EHMT1: variants seen among roughly 807,000 people sequenced by gnomAD.
EHMT1 encodes the protein euchromatic histone lysine methyltransferase 1.
EHMT1 carries 15 observed loss-of-function variants against 147.2 expected under a neutral mutation model. The observed-to-expected ratio is 0.10, with a 90% CI of 0.07 to 0.16. The LOEUF is 0.16. Among genes scored for constraint, EHMT1 ranks in the 10% least tolerant of loss-of-function variants. The pLI, the probability that EHMT1 is intolerant of heterozygous loss-of-function variation, is 1.00. For missense variants in EHMT1, 1,587 were observed against 1,772.4 expected (o/e 0.90, Z 1.88); for synonymous variants, 795 against 709.6 (o/e 1.12, Z -1.91).
rs534982593 is a variant in EHMT1 at position 137,782,196 on chromosome 9, G to A, written c.2276-95G>A. 37 of 1,184,254 alleles carry A rather than the reference G, an allele frequency of 3.1e-5. No individual in the cohort carries two copies. The highest frequency in any genetic ancestry group is 3.0e-4 in the African/African-American group (20 of 65,920). The allele number at this position is 1,184,254 out of a possible 1,614,324, so 73.4% of individuals were successfully genotyped here. ...CGAGGTGGCTGTTTATGTGGAGGATGGTCATTTGTGAGTGCTTGCCAGCCA... is the reference window on the plus strand; with the variant it reads ...CGAGGTGGCTGTTTATGTGGAGGATAGTCATTTGTGAGTGCTTGCCAGCCA... On this transcript the variant is annotated intron_variant, in intron 14 of 26. Coordinates refer to ENST00000460843, the MANE Select transcript of EHMT1 (RefSeq NM_024757.5). This position sits in a 1 kb window ranked among gnomAD's most constrained non-coding sequence, Gnocchi z 5.7.
In EHMT1 at chr9:137,787,798, G is replaced by A; in HGVS notation, c.2383-3050G>A. ...GGGCGTCTAGATCCCAGCCCTGGGG[G>A]CCCTCAGGTTTCAGGGGCCACCCCC... On this transcript the variant is annotated intron_variant, in intron 15 of 26. Coordinates refer to ENST00000460843, the MANE Select transcript of EHMT1 (RefSeq NM_024757.5). The surrounding 1 kb of genome is among the most constrained non-coding windows in gnomAD (Gnocchi z 4.2). The A allele has an allele frequency of 1.2e-6, 1 of 855,166 alleles. No homozygotes were observed. Among genetic ancestry groups the A allele is most frequent in the Non-Finnish European group, 2.0e-6 (1 of 492,118 alleles). The allele number at this position is 855,166 out of a possible 1,614,324, so 53.0% of individuals were successfully genotyped here.
intron 1 of EHMT1, among the ~76,000 whole-genome samples, chr9:137,680,042 C>T (rs991981579): frequency 6.6e-6 from 1 of 152,142 alleles, no homozygotes; most frequent in Non-Finnish European, 1.5e-5. Flanking sequence ...AATGCCTCTA[C>T]GTTGTATCTG....
At chr9:137,803,352 G>A in intron 18 of EHMT1, 1 of 969,896 alleles carries the variant, frequency 1.0e-6, no homozygotes, top group Non-Finnish European at 1.2e-6. Flanking sequence ...ATGATCTTCA[G>A]GTGATCCTCC....
chr9:137,811,702 T>C, intron 19 of EHMT1, 87 bp downstream of exon 19: 1 of 1,566,404 alleles, frequency 6.4e-7, no homozygotes. Context: ...GTGTTCACAC[T>C]TGGGGCGTGA....
At chr9:137,619,889 A>G (rs1315643018) in intron 1 of EHMT1, among the ~76,000 whole-genome samples, 1 of 152,044 alleles carries the variant, frequency 6.6e-6, no homozygotes, top group East Asian at 1.9e-4. Context: ...AGATGCAGAA[A>G]TAGTGTGGTC....
At chr9:137,626,954 G>A (rs989508102) in intron 1 of EHMT1, among the ~76,000 whole-genome samples, 2 of 151,526 alleles carry the variant, frequency 1.3e-5, no homozygotes, top group African/African-American at 4.9e-5. Flanking sequence ...GGTTAATTTT[G>A]TTTTTGTTTT....
chr9:137,798,314 A>T (rs575839707), intron 16 of EHMT1, among the ~76,000 whole-genome samples: 1 of 152,224 alleles, frequency 6.6e-6, no homozygotes, highest in East Asian at 1.9e-4. Flanking sequence ...AGGCAGGAGG[A>T]TCACTTGAGC....
intron 1 of EHMT1, among the ~76,000 whole-genome samples, chr9:137,668,151 G>A (rs1229253700): frequency 2.6e-5 from 4 of 152,172 alleles, no homozygotes; most frequent in Admixed American, 6.5e-5. Flanking sequence ...AAGAAGGGAC[G>A]CACTGATCGA....
At chr9:137,641,930 C>G (rs922127646) in intron 1 of EHMT1, among the ~76,000 whole-genome samples, 1 of 151,976 alleles carries the variant, frequency 6.6e-6, no homozygotes, top group African/African-American at 2.4e-5. Context: ...CCCTCCAACT[C>G]CATGGTTCAA....
At chr9:137,622,432 T>C (rs1842993984) in intron 1 of EHMT1, among the ~76,000 whole-genome samples, 1 of 152,148 alleles carries the variant, frequency 6.6e-6, no homozygotes, top group Non-Finnish European at 1.5e-5. Context: ...TCATCTTCTG[T>C]CTTTCTAGAG....
At chr9:137,733,001 C>T (rs1216657644) in intron 4 of EHMT1, among the ~76,000 whole-genome samples, 2 of 152,202 alleles carry the variant, frequency 1.3e-5, no homozygotes, top group South Asian at 2.1e-4. Context: ...TTGGTTTCAA[C>T]GTGCATTGTA....
In EHMT1 at chr9:137,834,498, C is replaced by G; in HGVS notation, c.3690C>G (p.Arg1230=). The G allele has an allele frequency of 1.2e-6, 2 of 1,612,072 alleles. No homozygotes were observed. The highest frequency in any genetic ancestry group is 1.7e-6 in the Non-Finnish European group (2 of 1,179,764). The part of the protein sequence containing the change: ...RFPRIAFFST[R]LIEAGEQLGF... ...CCCGGATCGCCTTCTTCAGCACCCG[C>G]CTGATCGAGGCCGGCGAGCAGCTCG... Residue 1230 remains arginine (R), a synonymous_variant, in exon 26 of 27, where the codon CGC becomes CGG. Coordinates refer to ENST00000460843, the MANE Select transcript of EHMT1 (RefSeq NM_024757.5).
intron 1 of EHMT1, among the ~76,000 whole-genome samples, chr9:137,663,252 C>T (rs1281589333): frequency 1.3e-5 from 2 of 152,188 alleles, no homozygotes; most frequent in Admixed American, 6.5e-5. Context: ...TTTGAAGCTA[C>T]AGCCTATGGT....
intron 4 of EHMT1, 100 bp downstream of exon 4, chr9:137,728,629 C>A: frequency 1.3e-6 from 2 of 1,520,160 alleles, no homozygotes; most frequent in Non-Finnish European, 1.8e-6. Context: ...GCCTGTGCTG[C>A]TCTTGATGAA....
intron 8 of EHMT1, among the ~76,000 whole-genome samples, chr9:137,754,969 A>G (rs993281741): frequency 1.3e-5 from 2 of 152,212 alleles, no homozygotes; most frequent in African/African-American, 4.8e-5. Flanking sequence ...CCCCTGTTCC[A>G]GAGGAACTTT....
At chr9:137,833,112 C>T (rs966806596) in intron 25 of EHMT1, among the ~76,000 whole-genome samples, 4 of 152,248 alleles carry the variant, frequency 2.6e-5, no homozygotes, top group Non-Finnish European at 4.4e-5. Flanking sequence ...TCGTCCACGC[C>T]TTTACCCGCT....
chr9:137,733,379 G>C (rs1947281215), intron 4 of EHMT1, among the ~76,000 whole-genome samples: 1 of 152,170 alleles, frequency 6.6e-6, no homozygotes, highest in Non-Finnish European at 1.5e-5. Flanking sequence ...GATTTCAGAG[G>C]GTTCTAGAAA....
chr9:137,655,648 G>A (rs1202266066), intron 1 of EHMT1, among the ~76,000 whole-genome samples: 2 of 152,170 alleles, frequency 1.3e-5, no homozygotes, highest in African/African-American at 2.4e-5. Flanking sequence ...GGACTTGAGC[G>A]GCAGGCTTTG....
intron 9 of EHMT1, among the ~76,000 whole-genome samples, chr9:137,758,999 C>T (rs1354930311): frequency 5.3e-5 from 8 of 151,564 alleles, no homozygotes; most frequent in African/African-American, 1.7e-4. Flanking sequence ...TAGTGGCGGG[C>T]GCCTATAGTC....
Sources: allele counts gnomAD v4.1 joint callset (sites outside exome capture counted in the v4.1 genomes callset), GRCh38; gene constraint gnomAD v4.1.1; non-coding constraint Gnocchi (gnomAD v3.1); transcripts MANE v1.5; gene names NCBI Gene and HGNC (gene_info 2026-07-23, HGNC 2026-07-21).